ARHGAP31: variants seen among roughly 807,000 people sequenced by gnomAD.
ARHGAP31 encodes Rho GTPase activating protein 31.
Under a neutral mutation model 113.9 loss-of-function variants are expected in ARHGAP31, and 34 were observed. The ratio of observed to expected loss-of-function variants is 0.30; its 90% confidence interval spans 0.23 to 0.40. The LOEUF is 0.40. Among genes scored for constraint, ARHGAP31 ranks in the 10% least tolerant of loss-of-function variants. The probability of loss-of-function intolerance (pLI) is 1.00; values close to 1 mark genes in which losing one functional copy is unlikely to be tolerated. For missense variants in ARHGAP31, 1,548 were observed against 1,767.1 expected (o/e 0.88, Z 2.22); for synonymous variants, 650 against 684.8 (o/e 0.95, Z 0.79).
chr3:119,314,324 T>A (rs2079710610), intron 1 of ARHGAP31: 1 of 152,206 alleles, frequency 6.6e-6, no homozygotes, highest in Non-Finnish European at 1.5e-5. Context: ...TAGGTGCCCT[T>A]GGTGTGTGTT....
At chr3:119,371,562 C>G (rs773306935) in intron 3 of ARHGAP31, among the ~76,000 whole-genome samples, 2 of 152,140 alleles carry the variant, frequency 1.3e-5, no homozygotes, top group African/African-American at 2.4e-5. Flanking sequence ...TAAACCTTCA[C>G]GGGTATGGAA....
At position 119,415,186 on chromosome 3, in the gene ARHGAP31, CA is replaced by C. The variant is rs1559999373; in HGVS notation, c.3260del (p.Lys1087SerfsTer4). 6.2e-7 allele frequency: 1 copy of C among 1,614,220 alleles called. No homozygotes were observed. The highest frequency in any genetic ancestry group is 8.5e-7 in the Non-Finnish European group (1 of 1,180,032). Reference sequence around the variant, plus strand: ...AGCACTTCGCCTGGAGAGCACCCCGCAAAGTTACAGCTAAAGAGCACAGAGT... The same window carrying C: ...AGCACTTCGCCTGGAGAGCACCCCGCAAGTTACAGCTAAAGAGCACAGAGT... The part of the protein sequence containing the change: ...QDSTSPGEHP[A>X]KLQLKSTECG... On this transcript the variant is annotated frameshift_variant, in exon 12 of 12. Transcript: ENST00000264245. LOFTEE classifies it high-confidence loss of function.
At chr3:119,307,940 C>CAAAAAAAAAAAAAAAAGAAAAAA (rs2079644789) in intron 1 of ARHGAP31, among the ~76,000 whole-genome samples, 1 of 45,452 alleles carries the variant, frequency 2.2e-5, no homozygotes, top group East Asian at 1.1e-3. Flanking sequence ...GAATTAACAG[C>CAAAAAAAAAAAAAAAAGAAAAAA]AAAAAAAAAA....
intron 8 of ARHGAP31, among the ~76,000 whole-genome samples, chr3:119,395,109 T>A (rs1479538670): frequency 6.6e-6 from 1 of 152,214 alleles, no homozygotes; most frequent in African/African-American, 2.4e-5. Flanking sequence ...ATGTTTGAAA[T>A]TTTTAATAGA....
chr3:119,336,668 A>G (rs973144260), intron 1 of ARHGAP31, among the ~76,000 whole-genome samples: 1 of 151,090 alleles, frequency 6.6e-6, no homozygotes, highest in South Asian at 2.1e-4. Context: ...TAATTAACAT[A>G]CCACACAGCC....
intron 1 of ARHGAP31, among the ~76,000 whole-genome samples, chr3:119,311,941 C>T (rs983334927): frequency 6.6e-6 from 1 of 152,134 alleles, no homozygotes; most frequent in African/African-American, 2.4e-5. Context: ...GAGGTAACAA[C>T]AAAAATCAAG....
Position 119,380,910 on chromosome 3 carries a change from G to A in ARHGAP31, c.355G>A (p.Val119Met). 1 of 1,614,106 alleles carries A rather than the reference G, an allele frequency of 6.2e-7. No individual in the cohort carries two copies. Among genetic ancestry groups the A allele is most frequent in the East Asian group, 2.2e-5 (1 of 44,892 alleles). Residue 119 changes from valine (V) to methionine (M), a missense_variant, in exon 4 of 12, where the codon GTG (valine) becomes ATG (methionine). By Grantham distance (21) the Val-to-Met change is conservative. Coordinates refer to ENST00000264245, the MANE Select transcript of ARHGAP31 (RefSeq NM_020754.4). The stretch of plus-strand genomic sequence containing the variant: ...CTTGTGTTCTTCTCCACAGGAGGCA[G>A]TGTCGCATTGCCCTGAAGAAGGCCA... ...YELYEKFTEA[V>M]SHCPEEGQLA... is the part of the protein sequence containing the mutation.
intron 1 of ARHGAP31, among the ~76,000 whole-genome samples, chr3:119,309,488 C>T (rs1305310096): frequency 6.6e-6 from 1 of 152,102 alleles, no homozygotes; most frequent in African/African-American, 2.4e-5. Context: ...GGTGCAGTGG[C>T]TCACACCTGT....
chr3:119,327,477 G>A (rs1166395548), intron 1 of ARHGAP31, among the ~76,000 whole-genome samples: 5 of 151,966 alleles, frequency 3.3e-5, no homozygotes, highest in Admixed American at 2.6e-4. Flanking sequence ...CCCAGGAGGC[G>A]GAGGTTGCAG....
At chr3:119,326,810 A>G (rs2079847994) in intron 1 of ARHGAP31, among the ~76,000 whole-genome samples, 1 of 152,166 alleles carries the variant, frequency 6.6e-6, no homozygotes, top group African/African-American at 2.4e-5. Context: ...ACAGATACTT[A>G]CCCTGATCAC....
At chr3:119,350,187 C>A (rs1300091972) in intron 1 of ARHGAP31, among the ~76,000 whole-genome samples, 1 of 152,056 alleles carries the variant, frequency 6.6e-6, no homozygotes. Flanking sequence ...CAGGGAAGTG[C>A]CGTTGTTTTC....
At chr3:119,390,535 C>T (rs2080494209) in intron 6 of ARHGAP31, among the ~76,000 whole-genome samples, 1 of 152,154 alleles carries the variant, frequency 6.6e-6, no homozygotes. Context: ...GTGAGTGGTC[C>T]CTCTCTGAAA....
At chr3:119,384,311 A>G (rs964603979) in intron 6 of ARHGAP31, among the ~76,000 whole-genome samples, 13 of 152,242 alleles carry the variant, frequency 8.5e-5, no homozygotes, top group Admixed American at 2.6e-4. Context: ...GTTAATGTGT[A>G]AAATGGTTCT....
rs199549303 is a variant in ARHGAP31, at chr3:119,400,453, C to CA, written c.1069+1202dup. 3.8e-3 allele frequency among the ~76,000 whole-genome samples: 562 copies of CA among 147,654 alleles called. 2 individuals are homozygous for CA. The highest frequency in any genetic ancestry group is 0.012 in the African/African-American group (479 of 40,078). On this transcript the variant is annotated intron_variant, in intron 9 of 11. Transcript: ENST00000264245. Reference sequence around the variant, plus strand: ...TGCGCCACTGCACTCCAGCCTGTCTCAAAAAAAAAATAATAATAATTCTAA... The same window carrying CA: ...TGCGCCACTGCACTCCAGCCTGTCTCAAAAAAAAAAATAATAATAATTCTAA...
In ARHGAP31 at chr3:119,383,199, G is replaced by A. The variant is rs370881248; in HGVS notation, c.655G>A (p.Gly219Ser). The change falls in exon 6 of 12, where the codon GGT becomes AGT. Residue 219 changes from glycine to serine, a missense_variant. Transcript: ENST00000264245. ...TCATGTAGATCAAATCTTTAACAAC[G>A]GTGCACCTGGGTCTCTGGAGAATGA... The part of the protein sequence containing the change: ...LNHVDQIFNN[G>S]APGSLENDEN... The A allele has an allele frequency of 1.2e-5, 20 of 1,613,972 alleles. No homozygotes were observed. Among genetic ancestry groups the A allele is most frequent in the Admixed American group, 3.3e-5 (2 of 59,998 alleles).
intron 1 of ARHGAP31, among the ~76,000 whole-genome samples, chr3:119,357,004 C>A (rs78820668): frequency 0.031 from 4,762 of 152,298 alleles, 115 homozygotes; most frequent in East Asian, 0.11. Flanking sequence ...ATCTCCCCTG[C>A]CAGTTGCAGT....
Position 119,414,232 on chromosome 3 carries a change from C to A in ARHGAP31, c.2303C>A (p.Thr768Lys), listed in dbSNP as rs1257761613. The A allele has an allele frequency of 6.2e-7, 1 of 1,614,102 alleles. No homozygotes were observed. The highest frequency in any genetic ancestry group is 1.3e-5 in the African/African-American group (1 of 74,942). Residue 768 changes from threonine to lysine, a missense_variant, in exon 12 of 12, where the codon ACA (threonine) becomes AAA (lysine). Thr to Lys is a moderately conservative substitution (Grantham distance 78). Coordinates refer to ENST00000264245, the MANE Select transcript of ARHGAP31 (RefSeq NM_020754.4). ...VPFEKASPQATVEVGGPGNLS... is the reference protein window; with the variant it reads ...VPFEKASPQAKVEVGGPGNLS... ...TTTGAGAAGGCATCTCCACAAGCAA[C>A]AGTGGAAGTAGGAGGCCCAGGCAAT...
intron 1 of ARHGAP31, among the ~76,000 whole-genome samples, chr3:119,324,087 C>T (rs1365690917): frequency 6.7e-6 from 1 of 149,858 alleles, no homozygotes; most frequent in African/African-American, 2.5e-5. Flanking sequence ...TGCTCTACAC[C>T]GAAGGGGTGA....
intron 5 of ARHGAP31, 50 bp downstream of exon 5, chr3:119,382,449 C>T (rs1371210990): frequency 6.6e-7 from 1 of 1,524,574 alleles, no homozygotes; most frequent in East Asian, 2.3e-5. Flanking sequence ...CTCAGAGCAG[C>T]CCCCGATTGA....
Sources: allele counts gnomAD v4.1 joint callset (sites outside exome capture counted in the v4.1 genomes callset), GRCh38; gene constraint gnomAD v4.1.1; transcripts MANE v1.5; gene names NCBI Gene and HGNC (gene_info 2026-07-23, HGNC 2026-07-21).